The following COLGALT2 variants were observed in gnomAD, a reference collection of about 807,000 sequenced individuals.
COLGALT2 encodes procollagen galactosyltransferase 2.
COLGALT2 carries 49 observed loss-of-function variants against 73.4 expected under a neutral mutation model. The observed-to-expected ratio is 0.67, with a 90% CI of 0.53 to 0.85. The LOEUF is 0.85. Ranked by LOEUF, COLGALT2 falls within the 40% of genes least tolerant of loss-of-function variation. COLGALT2 has a pLI of 0.00. For synonymous variants in COLGALT2, 295 were observed against 307.6 expected, an observed-to-expected ratio of 0.96 and a Z score of 0.43; for missense variants, 722 against 790.2, an observed-to-expected ratio of 0.91 and a Z score of 1.03.
At chr1:184,018,770 A>G (rs895711908) in intron 1 of COLGALT2, among the ~76,000 whole-genome samples, 9 of 152,198 alleles carry the variant, frequency 5.9e-5, no homozygotes, top group Admixed American at 4.6e-4. Context: ...ACAATCTTTC[A>G]AAGTCATAAA....
intron 4 of COLGALT2, among the ~76,000 whole-genome samples, chr1:183,970,784 A>G (rs1671016286): frequency 6.6e-6 from 1 of 152,214 alleles, no homozygotes; most frequent in Admixed American, 6.5e-5. Flanking sequence ...TATTTTGGGA[A>G]CTGCAATTCA....
chr1:183,984,580 G>A (rs909222989), intron 1 of COLGALT2, among the ~76,000 whole-genome samples: 2 of 152,184 alleles, frequency 1.3e-5, no homozygotes, highest in African/African-American at 4.8e-5. Flanking sequence ...GTGGCCCTGA[G>A]ACAGCTTCAG....
At chr1:184,030,565 C>T (rs553619151) in intron 1 of COLGALT2, among the ~76,000 whole-genome samples, 11 of 152,236 alleles carry the variant, frequency 7.2e-5, no homozygotes, top group Admixed American at 1.3e-4. Flanking sequence ...CCCAAGTGCA[C>T]GTTTAAGTGT....
chr1:184,005,101 T>C (rs1395952440), intron 1 of COLGALT2, among the ~76,000 whole-genome samples: 1 of 152,160 alleles, frequency 6.6e-6, no homozygotes, highest in Non-Finnish European at 1.5e-5. Context: ...ACAGCCCTCT[T>C]TGCCTCAGCC....
chr1:183,941,743 C>T (rs532246540), intron 10 of COLGALT2, among the ~76,000 whole-genome samples: 13 of 152,340 alleles, frequency 8.5e-5, no homozygotes, highest in African/African-American at 2.6e-4. Flanking sequence ...TCCCCAGCCA[C>T]TCTCTCTTCA....
downstream of COLGALT2, among the ~76,000 whole-genome samples, chr1:183,935,273 C>T (rs1669925612): frequency 6.6e-6 from 1 of 152,232 alleles, no homozygotes; most frequent in South Asian, 2.1e-4. Flanking sequence ...CTTTATGTTG[C>T]TCCTCCATTG....
At chr1:184,016,986 A>G (rs1012394166) in intron 1 of COLGALT2, among the ~76,000 whole-genome samples, 1 of 152,246 alleles carries the variant, frequency 6.6e-6, no homozygotes, top group Non-Finnish European at 1.5e-5. Context: ...AACAGTTTAG[A>G]AAAGTTTCAA....
intron 1 of COLGALT2, among the ~76,000 whole-genome samples, chr1:183,997,193 G>C (rs1210742896): frequency 6.6e-6 from 1 of 151,902 alleles, no homozygotes; most frequent in African/African-American, 2.4e-5. Flanking sequence ...CGGAGTTGTT[G>C]TGAAGATAAA....
At chr1:183,953,488 G>A (rs1021180001) in intron 7 of COLGALT2, among the ~76,000 whole-genome samples, 21 of 152,124 alleles carry the variant, frequency 1.4e-4, no homozygotes, top group African/African-American at 5.1e-4. Flanking sequence ...GTCCTCATAG[G>A]AATGTTTTTA....
At chr1:184,008,711 C>G (rs1299305981) in intron 1 of COLGALT2, among the ~76,000 whole-genome samples, 1 of 152,132 alleles carries the variant, frequency 6.6e-6, no homozygotes, top group Non-Finnish European at 1.5e-5. Flanking sequence ...GCCTGGGCAA[C>G]AGAATTAGAT....
At chr1:183,971,610 A>C (rs1671038912) in intron 4 of COLGALT2, among the ~76,000 whole-genome samples, 1 of 152,216 alleles carries the variant, frequency 6.6e-6, no homozygotes, top group African/African-American at 2.4e-5. Flanking sequence ...TAGAAATATG[A>C]ACATATTACC....
intron 8 of COLGALT2, 92 bp from the exon 9 acceptor site, chr1:183,945,656 C>G: frequency 7.0e-7 from 1 of 1,426,392 alleles, no homozygotes; most frequent in Non-Finnish European, 9.6e-7. Flanking sequence ...GCAAACACCC[C>G]TCCCCCACAC....
In COLGALT2 at chr1:183,978,540, A is replaced by G. The variant is rs761002805; in HGVS notation, c.264-20T>C. 1.4e-6 allele frequency: 2 copies of G among 1,416,400 alleles called. No homozygotes were observed. The highest frequency in any genetic ancestry group is 2.3e-5 in the East Asian group (1 of 43,664). 87.7% of individuals were successfully genotyped at this position (1,416,400 alleles called of 1,614,324 possible). A position where few individuals can be genotyped will look rare whatever the true frequency, so the allele number is the denominator to read the frequency against. Reference sequence around the variant, plus strand: ...GCTGCCCTGCATGAGAGAAAGCACAATATAGTTTAACTATGTCATCCAATG... The same window carrying G: ...GCTGCCCTGCATGAGAGAAAGCACAGTATAGTTTAACTATGTCATCCAATG... On this transcript the variant is annotated intron_variant, in intron 1 of 11. Coordinates refer to ENST00000361927, the MANE Select transcript of COLGALT2 (RefSeq NM_015101.4).
rs557671268 is a variant in COLGALT2, at chr1:184,031,545, G to A, written c.263+5550C>T. ...CTTATCTTCCCAAGTTGGGTCAACCGACAGAAGCAAAAACTAGAACTAATT... is the reference window on the plus strand; with the variant it reads ...CTTATCTTCCCAAGTTGGGTCAACCAACAGAAGCAAAAACTAGAACTAATT... On this transcript the variant is annotated intron_variant, in intron 1 of 11. Transcript: ENST00000361927. Among the ~76,000 whole-genome samples, 29 of 152,322 alleles carry A rather than the reference G, an allele frequency of 1.9e-4. No homozygotes were observed. In the South Asian group the frequency reaches 2.7e-3, roughly 14 times the overall value.
intron 4 of COLGALT2, among the ~76,000 whole-genome samples, chr1:183,971,353 G>T (rs192776049): frequency 3.9e-5 from 6 of 152,272 alleles, no homozygotes; most frequent in African/African-American, 7.2e-5. Context: ...TCCCTAAGTT[G>T]CTCAGAATTT....
At chr1:184,024,142 TGTG>T (rs746110736) in intron 1 of COLGALT2, among the ~76,000 whole-genome samples, 112 of 152,210 alleles carry the variant, frequency 7.4e-4, no homozygotes, top group Non-Finnish European at 1.2e-3. Flanking sequence ...ATACATAGCA[TGTG>T]GTGGCTAGAA....
chr1:183,944,956 C>T (rs1255081178), intron 9 of COLGALT2, among the ~76,000 whole-genome samples: 1 of 152,188 alleles, frequency 6.6e-6, no homozygotes, highest in East Asian at 1.9e-4. Flanking sequence ...CCCCACACAC[C>T]AATATCTGCT....
intron 1 of COLGALT2, among the ~76,000 whole-genome samples, chr1:184,022,005 T>C (rs1485584867): frequency 6.6e-6 from 1 of 152,230 alleles, no homozygotes; most frequent in East Asian, 1.9e-4. Context: ...TACTGTATTA[T>C]TCTGGCAGCC....
intron 7 of COLGALT2, among the ~76,000 whole-genome samples, chr1:183,953,412 G>A (rs983315776): frequency 2.6e-5 from 4 of 152,118 alleles, no homozygotes; most frequent in African/African-American, 9.7e-5. Context: ...CTTACACCGT[G>A]TCCTGCCCAA....
Sources: allele counts gnomAD v4.1 joint callset (sites outside exome capture counted in the v4.1 genomes callset), GRCh38; gene constraint gnomAD v4.1.1; transcripts MANE v1.5; gene names NCBI Gene and HGNC (gene_info 2026-07-23, HGNC 2026-07-21).